DLG2: variants seen among roughly 807,000 people sequenced by gnomAD.
The protein encoded by DLG2 is disks large homolog 2.
A neutral mutation model predicts 132.5 loss-of-function variants in DLG2; 45 were observed. The observed-to-expected ratio is 0.34, with a 90% CI of 0.27 to 0.44. DLG2 has a LOEUF of 0.44. Among genes scored for constraint, DLG2 ranks in the 20% least tolerant of loss-of-function variants. The pLI is 1.00. For synonymous variants in DLG2, 424 were observed against 419.6 expected (o/e 1.01, Z -0.13); for missense variants, 1,045 against 1,196.9 (o/e 0.87, Z 1.87).
intron 7 of DLG2, among the ~76,000 whole-genome samples, chr11:84,452,122 AAGAAG>A (rs914823867): frequency 2.6e-5 from 4 of 151,618 alleles, no homozygotes; most frequent in African/African-American, 9.7e-5. Flanking sequence ...CAAAAAAAAA[AAGAAG>A]GAAGAAGGAG....
chr11:84,864,106 T>C (rs908056711), intron 6 of DLG2, among the ~76,000 whole-genome samples: 3 of 152,204 alleles, frequency 2.0e-5, no homozygotes, highest in Non-Finnish European at 4.4e-5. Context: ...CACAACCTTA[T>C]TAAAGACTGG....
chr11:83,925,307 A>G (rs1346948892), intron 15 of DLG2, among the ~76,000 whole-genome samples: 1 of 152,076 alleles, frequency 6.6e-6, no homozygotes, highest in African/African-American at 2.4e-5. Context: ...TTGCTTCTCA[A>G]ACTGCTCAGT....
intron 8 of DLG2, among the ~76,000 whole-genome samples, chr11:84,207,004 T>C (rs2096675548): frequency 1.3e-5 from 2 of 151,710 alleles, no homozygotes; most frequent in Non-Finnish European, 2.9e-5. Flanking sequence ...AAATTAAATT[T>C]AAAAAATCAA....
At chr11:84,523,768 T>G (rs1280342145) in intron 7 of DLG2, among the ~76,000 whole-genome samples, 2 of 152,244 alleles carry the variant, frequency 1.3e-5, no homozygotes, top group African/African-American at 4.8e-5. Context: ...GAAAAATTTC[T>G]GTGTAACTGG....
Position 84,166,263 on chromosome 11 carries a change from G to C in DLG2, c.574-2752C>G, listed in dbSNP as rs528427260. On this transcript the variant is annotated intron_variant, in intron 8 of 27. Coordinates refer to ENST00000376104, the MANE Select transcript of DLG2 (RefSeq NM_001142699.3). ...TCATGCCTGTAATTCCAGTACTTTG[G>C]GAGGCAGGAGCAGGCGGATCAAGAG... Among the ~76,000 whole-genome samples, 13 of 152,234 alleles carry C rather than the reference G, an allele frequency of 8.5e-5. No homozygotes were observed. The East Asian group carries it at 2.5e-3, about 29-fold the overall frequency.
intron 6 of DLG2, among the ~76,000 whole-genome samples, chr11:84,679,529 T>G (rs1357919134): frequency 6.6e-6 from 1 of 152,082 alleles, no homozygotes; most frequent in Admixed American, 6.6e-5. Context: ...AATATGGATT[T>G]TCATGTGAAG....
intron 6 of DLG2, among the ~76,000 whole-genome samples, chr11:84,728,258 C>T (rs1000799161): frequency 4.6e-5 from 7 of 152,002 alleles, no homozygotes; most frequent in Admixed American, 2.0e-4. Flanking sequence ...TTTTGAGATA[C>T]GTTCCATTGA....
intron 7 of DLG2, among the ~76,000 whole-genome samples, chr11:84,369,489 TAGAG>T (rs2098697478): frequency 6.6e-6 from 1 of 152,120 alleles, no homozygotes. Context: ...AACTGAGGCT[TAGAG>T]AGGCTAACTT....
chr11:83,992,067 C>A (rs544513581), intron 11 of DLG2, among the ~76,000 whole-genome samples: 3 of 152,218 alleles, frequency 2.0e-5, no homozygotes, highest in South Asian at 4.1e-4. Context: ...TTGTAAGCAA[C>A]CACTAAAAGC....
chr11:83,693,069 A>G (rs975407839), intron 18 of DLG2: 1 of 152,204 alleles, frequency 6.6e-6, no homozygotes, highest in Admixed American at 6.5e-5. Context: ...ACTTTCTGAG[A>G]AAGTAAATAA....
At chr11:84,765,341 C>T (rs2068255706) in intron 6 of DLG2, among the ~76,000 whole-genome samples, 2 of 152,074 alleles carry the variant, frequency 1.3e-5, no homozygotes, top group Non-Finnish European at 2.9e-5. Flanking sequence ...GGACAAACTA[C>T]TAATGACATA....
intron 6 of DLG2, among the ~76,000 whole-genome samples, chr11:84,744,648 C>G (rs759255309): frequency 6.6e-6 from 1 of 152,022 alleles, no homozygotes; most frequent in Non-Finnish European, 1.5e-5. Flanking sequence ...AGTCAAATTC[C>G]CACCTGAGGT....
intron 6 of DLG2, among the ~76,000 whole-genome samples, chr11:84,656,631 A>G (rs1250551372): frequency 1.3e-5 from 2 of 152,174 alleles, no homozygotes; most frequent in Admixed American, 6.6e-5. Context: ...GAAAGAGTAT[A>G]GTTGAATTTA....
chr11:85,006,162 C>A (rs952361552), intron 6 of DLG2, among the ~76,000 whole-genome samples: 86 of 152,258 alleles, frequency 5.6e-4, no homozygotes, highest in African/African-American at 1.9e-3. Context: ...TGAAGTTCAT[C>A]AGGGATATTG....
At chr11:85,186,523 T>C (rs574968443) in intron 4 of DLG2, among the ~76,000 whole-genome samples, 1 of 152,204 alleles carries the variant, frequency 6.6e-6, no homozygotes, top group African/African-American at 2.4e-5. Flanking sequence ...GGCAAATACA[T>C]AGAAATGGAG....
At chr11:84,426,285 T>C (rs578246395) in intron 7 of DLG2, among the ~76,000 whole-genome samples, 37 of 152,148 alleles carry the variant, frequency 2.4e-4, no homozygotes, top group East Asian at 1.2e-3. Context: ...GCCATCAATA[T>C]TGGGGAGATA....
intron 18 of DLG2, among the ~76,000 whole-genome samples, chr11:83,696,318 C>T (rs544771017): frequency 3.4e-4 from 52 of 152,284 alleles, no homozygotes; most frequent in African/African-American, 1.2e-3. Flanking sequence ...AATCTCTTAA[C>T]GTGACCTTAG....
At chr11:84,945,149 C>T (rs987188292) in intron 6 of DLG2, among the ~76,000 whole-genome samples, 3 of 152,190 alleles carry the variant, frequency 2.0e-5, no homozygotes, top group Admixed American at 6.5e-5. Flanking sequence ...GTAGTCTTTA[C>T]AGCCTGGGCT....
chr11:84,947,801 G>C (rs1025505429), intron 6 of DLG2, among the ~76,000 whole-genome samples: 1 of 152,160 alleles, frequency 6.6e-6, no homozygotes, highest in Non-Finnish European at 1.5e-5. Flanking sequence ...CATTCTCTCT[G>C]TGTAATTAAT....
Sources: allele counts gnomAD v4.1 joint callset (sites outside exome capture counted in the v4.1 genomes callset), GRCh38; gene constraint gnomAD v4.1.1; transcripts MANE v1.5; gene names NCBI Gene and HGNC (gene_info 2026-07-23, HGNC 2026-07-21).